KIT: variants seen among roughly 807,000 people sequenced by gnomAD.
The protein encoded by KIT is KIT proto-oncogene, receptor tyrosine kinase.
KIT carries 16 observed loss-of-function variants against 105.7 expected under a neutral mutation model. The observed-to-expected ratio is 0.15, with a 90% CI of 0.10 to 0.23. The LOEUF (loss-of-function observed/expected upper bound fraction) is 0.23, where lower values mean the gene tolerates loss of function less well. KIT is among the 10% of genes least tolerant of loss of function. The pLI, the probability that KIT is intolerant of heterozygous loss-of-function variation, is 1.00. For missense variants in KIT, 858 were observed against 1,213.8 expected, an observed-to-expected ratio of 0.71 and a Z score of 4.36; for synonymous variants, 438 against 441.1, an observed-to-expected ratio of 0.99 and a Z score of 0.09.
At chr4:54,665,083 T>C (rs1428886085) in intron 1 of KIT, among the ~76,000 whole-genome samples, 1 of 152,174 alleles carries the variant, frequency 6.6e-6, no homozygotes, top group Non-Finnish European at 1.5e-5. Flanking sequence ...CCATTCTACT[T>C]TCTGTCTCTG....
At chr4:54,722,907 G>A (rs899347769) in intron 7 of KIT, among the ~76,000 whole-genome samples, 11 of 142,508 alleles carry the variant, frequency 7.7e-5, no homozygotes, top group South Asian at 2.2e-4. Context: ...ATATATTCAC[G>A]TTCATAATAT....
Position 54,733,085 on chromosome 4 carries a change from T to G in KIT, c.2377T>G (p.Leu793Val), listed in dbSNP as rs558702741. 2 of 1,612,288 alleles carry G rather than the reference T, an allele frequency of 1.2e-6. No homozygotes were observed. Among genetic ancestry groups the G allele is most frequent in the South Asian group, 2.2e-5 (2 of 91,040 alleles). The change falls in exon 17 of 21, where the codon TTG becomes GTG. Residue 793 changes from leucine to valine, a missense_variant. Around this residue, in one of 7 missense-constraint regions of KIT, gnomAD observed 63 missense variants for 137.4 expected, o/e 0.46. Transcript: ENST00000288135. ...LASKNCIHRDLAARNILLTHG... is the reference protein window; with the variant it reads ...LASKNCIHRDVAARNILLTHG... ...AACCTAATAGTGTATTCACAGAGAC[T>G]TGGCAGCCAGAAATATCCTCCTTAC...
chr4:54,707,345 A>G (rs1720857309), intron 6 of KIT, 58 bp downstream of exon 6: 1 of 1,200,076 alleles, frequency 8.3e-7, no homozygotes, highest in Non-Finnish European at 1.2e-6. Context: ...CAGTGGGCTT[A>G]TCAGATCTTA....
At chr4:54,675,987 C>T (rs1040342986) in intron 1 of KIT, among the ~76,000 whole-genome samples, 1 of 152,110 alleles carries the variant, frequency 6.6e-6, no homozygotes, top group Non-Finnish European at 1.5e-5. Context: ...AATCTGTGCC[C>T]GACTGGCTGC....
chr4:54,729,627 G>T, intron 14 of KIT, 142 bp downstream of exon 14: 1 of 819,148 alleles, frequency 1.2e-6, no homozygotes, highest in Non-Finnish European at 2.0e-6. Flanking sequence ...ATTTAAATGT[G>T]ATTAACAGTT....
At chr4:54,721,072 CTG>C (rs1721839367) in intron 7 of KIT, among the ~76,000 whole-genome samples, 1 of 152,222 alleles carries the variant, frequency 6.6e-6, no homozygotes, top group African/African-American at 2.4e-5. Context: ...ACAGTGCTTA[CTG>C]TGTGCCTGCT....
In KIT at chr4:54,739,160, G is replaced by C. The variant is rs754924498; in HGVS notation, c.*603G>C. On this transcript the variant is annotated 3_prime_UTR_variant, in exon 21 of 21. Coordinates refer to ENST00000288135, the MANE Select transcript of KIT (RefSeq NM_000222.3). ...GCATGAGCTTTTATACTACCGACCT[G>C]GTTTTTAAATAGAGTTTGCTATTAG... 2 of 323,758 alleles carry C rather than the reference G, an allele frequency of 6.2e-6. No homozygotes were observed. Among genetic ancestry groups the C allele is most frequent in the African/African-American group, 2.1e-5 (1 of 47,456 alleles). 20.1% of individuals were successfully genotyped at this position (323,758 alleles called of 1,614,324 possible).
chr4:54,694,703 A>T (rs1026467663), intron 1 of KIT, among the ~76,000 whole-genome samples: 10 of 152,162 alleles, frequency 6.6e-5, no homozygotes, highest in Non-Finnish European at 1.2e-4. Flanking sequence ...TTAAACCCTG[A>T]AATGTATGTG....
In KIT at chr4:54,695,732, G is replaced by T. The variant is rs150026676; in HGVS notation, c.288G>T (p.Thr96=). 6.2e-7 allele frequency: 1 copy of T among 1,614,216 alleles called. No homozygotes were observed. Among genetic ancestry groups the T allele is most frequent in the South Asian group, 1.1e-5 (1 of 91,088 alleles). ...KAEATNTGKY[T]CTNKHGLSNS... ...AAGCCACCAACACCGGCAAATACAC[G>T]TGCACCAACAAACACGGCTTAAGCA... The change falls in exon 2 of 21, where the codon ACG becomes ACT. Residue 96 remains threonine, a synonymous_variant. Transcript: ENST00000288135.
At chr4:54,733,032 G>A (rs1722706005) in intron 16 of KIT, 38 bp from the exon 17 acceptor site, 3 of 1,587,656 alleles carry the variant, frequency 1.9e-6, no homozygotes, top group Non-Finnish European at 1.7e-6. Context: ...AAGTTAAAAT[G>A]AATTTAAATG....
At chr4:54,736,046 C>A (rs1314825917) in intron 17 of KIT, among the ~76,000 whole-genome samples, 3 of 152,196 alleles carry the variant, frequency 2.0e-5, no homozygotes, top group Non-Finnish European at 4.4e-5. Flanking sequence ...ACAGCACTTA[C>A]AACTTAGTGG....
intron 20 of KIT, among the ~76,000 whole-genome samples, chr4:54,737,673 A>T (rs976587322): frequency 3.3e-5 from 5 of 152,196 alleles, no homozygotes; most frequent in African/African-American, 1.2e-4. Context: ...AGCATAGAAA[A>T]GACAGCTTGT....
chr4:54,701,640 A>ACT (rs112941312), intron 4 of KIT, among the ~76,000 whole-genome samples: 3,709 of 152,186 alleles, frequency 0.024, 166 homozygotes, highest in African/African-American at 0.085. Context: ...ATCTCTTATG[A>ACT]CTGCACTATT....
intron 7 of KIT, among the ~76,000 whole-genome samples, chr4:54,714,479 A>G (rs1721342619): frequency 6.6e-6 from 1 of 152,002 alleles, no homozygotes; most frequent in Non-Finnish European, 1.5e-5. Context: ...TAAATAACAA[A>G]CTTTATAGTG....
chr4:54,722,654 C>T (rs2109756828), intron 7 of KIT, among the ~76,000 whole-genome samples: 1 of 151,898 alleles, frequency 6.6e-6, no homozygotes, highest in Non-Finnish European at 1.5e-5. Context: ...AGATGTATTG[C>T]CATCAGAACC....
intron 5 of KIT, among the ~76,000 whole-genome samples, chr4:54,704,519 C>T (rs1276271550): frequency 6.6e-6 from 1 of 152,088 alleles, no homozygotes; most frequent in Non-Finnish European, 1.5e-5. Context: ...CCCATCATAT[C>T]TGGTATGCAC....
intron 1 of KIT, among the ~76,000 whole-genome samples, chr4:54,665,296 A>G (rs1262420554): frequency 1.3e-5 from 2 of 152,194 alleles, no homozygotes; most frequent in Admixed American, 1.3e-4. Flanking sequence ...CCTTTGATGG[A>G]CATTTGGGTT....
At chr4:54,670,856 A>C (rs1318601226) in intron 1 of KIT, among the ~76,000 whole-genome samples, 1 of 152,002 alleles carries the variant, frequency 6.6e-6, no homozygotes, top group Non-Finnish European at 1.5e-5. Flanking sequence ...TCTGTCCATC[A>C]CTGTTAGGCC....
chr4:54,706,873 A>T (rs2109704065), intron 5 of KIT, among the ~76,000 whole-genome samples: 1 of 152,340 alleles, frequency 6.6e-6, no homozygotes, highest in Admixed American at 6.5e-5. Flanking sequence ...ATTGCTTAAG[A>T]GGCAGAGATG....
Sources: gnomAD v4.1 joint callset for allele counts (sites outside exome capture counted in the v4.1 genomes callset) on GRCh38, gnomAD v4.1.1 for gene constraint, gnomAD v4.1.1 regional missense constraint, MANE v1.5 for transcripts, NCBI Gene and HGNC (gene_info 2026-07-23, HGNC 2026-07-21) for gene names.